Variants in TMEM132D observed in about 807,000 individuals in gnomAD.
TMEM132D encodes mature OL transmembrane protein.
In TMEM132D, 21 loss-of-function variants were observed where a neutral mutation model predicts 62.3. That is an observed-to-expected ratio of 0.34 (90% CI 0.24 to 0.49). The LOEUF (loss-of-function observed/expected upper bound fraction) is 0.49, where lower values mean the gene tolerates loss of function less well. Ranked by LOEUF, TMEM132D falls within the 20% of genes least tolerant of loss-of-function variation. The pLI, the probability that TMEM132D is intolerant of heterozygous loss-of-function variation, is 0.99. For missense variants in TMEM132D, 1,346 were observed against 1,402.8 expected, an observed-to-expected ratio of 0.96 and a Z score of 0.65; for synonymous variants, 621 against 575.6, an observed-to-expected ratio of 1.08 and a Z score of -1.13.
chr12:129,280,839 C>G (rs1358280561), intron 4 of TMEM132D, among the ~76,000 whole-genome samples: 1 of 151,968 alleles, frequency 6.6e-6, no homozygotes, highest in African/African-American at 2.4e-5. Context: ...TATATACACA[C>G]AAACATATAT....
intron 1 of TMEM132D, among the ~76,000 whole-genome samples, chr12:129,726,778 A>G (rs549064390): frequency 2.4e-4 from 36 of 152,262 alleles, no homozygotes; most frequent in Non-Finnish European, 4.3e-4. Context: ...ATAAGTCACC[A>G]ACTGTAGCAA....
chr12:129,533,844 A>G (rs549733884), intron 2 of TMEM132D, among the ~76,000 whole-genome samples: 25 of 152,346 alleles, frequency 1.6e-4, no homozygotes, highest in Admixed American at 7.8e-4. Context: ...ACACATTTCT[A>G]GGGCATGTTT....
chr12:129,231,790 T>G (rs543645083), intron 4 of TMEM132D, among the ~76,000 whole-genome samples: 2 of 152,272 alleles, frequency 1.3e-5, no homozygotes, highest in East Asian at 3.9e-4. Context: ...GCTTAATAAT[T>G]ACATGAGAAA....
At chr12:129,261,365 T>C (rs59941430) in intron 4 of TMEM132D, among the ~76,000 whole-genome samples, 3,013 of 152,274 alleles carry the variant, frequency 0.02, 108 homozygotes, top group African/African-American at 0.069. Flanking sequence ...ATAAGTCTCA[T>C]GAGGTCTAAT....
At chr12:129,851,455 A>G (rs894227513) in intron 1 of TMEM132D, among the ~76,000 whole-genome samples, 2 of 152,202 alleles carry the variant, frequency 1.3e-5, no homozygotes, top group Admixed American at 1.3e-4. Flanking sequence ...TACGCACGCC[A>G]GCATTAACAC....
intron 4 of TMEM132D, among the ~76,000 whole-genome samples, chr12:129,314,953 G>T (rs1031890219): frequency 2.0e-5 from 3 of 152,228 alleles, no homozygotes; most frequent in South Asian, 4.2e-4. Context: ...CTTGGTTGCT[G>T]TTGGTGTATA....
At position 129,626,116 on chromosome 12, in the gene TMEM132D, T is replaced by C. The variant is rs376470171; in HGVS notation, c.968+73694A>G. 1.9e-3 allele frequency among the ~76,000 whole-genome samples: 284 copies of C among 152,098 alleles called. 6 individuals are homozygous for C. In the South Asian group the frequency reaches 0.057, roughly 31 times the overall value. ...AAAAAAAAAAAAGCTCCACGGTCTA[T>C]TAATTTTGAAAAACACTGGATCAAT... On this transcript the variant is annotated intron_variant, in intron 2 of 8. Coordinates refer to ENST00000422113, the MANE Select transcript of TMEM132D (RefSeq NM_133448.3).
intron 3 of TMEM132D, among the ~76,000 whole-genome samples, chr12:129,430,515 C>G (rs1789500561): frequency 6.6e-6 from 1 of 152,126 alleles, no homozygotes; most frequent in South Asian, 2.1e-4. Flanking sequence ...TGGGGTCCCA[C>G]TGGTCTCAGA....
In TMEM132D at chr12:129,277,486, T is replaced by C. The variant is rs1881034105; in HGVS notation, c.1299+60148A>G. Reference sequence around the variant, plus strand: ...ATGCTTGTACAAATGATTTTTAAAATTCTTTATCCCTTACTCATTGCTGCT... The same window carrying C: ...ATGCTTGTACAAATGATTTTTAAAACTCTTTATCCCTTACTCATTGCTGCT... On this transcript the variant is annotated intron_variant, in intron 4 of 8. Coordinates refer to ENST00000422113, the MANE Select transcript of TMEM132D (RefSeq NM_133448.3). This position sits in a 1 kb window ranked among gnomAD's most constrained non-coding sequence, Gnocchi z 4.2. Among the ~76,000 whole-genome samples the C allele has an allele frequency of 6.6e-6, 1 of 152,226 alleles. No homozygotes were observed. Among genetic ancestry groups the C allele is most frequent in the Non-Finnish European group, 1.5e-5 (1 of 68,040 alleles).
chr12:129,370,639 C>A (rs747204961), intron 3 of TMEM132D, among the ~76,000 whole-genome samples: 19 of 152,100 alleles, frequency 1.2e-4, no homozygotes, highest in Admixed American at 3.3e-4. Context: ...CCTAAGTGTT[C>A]ATTAATGGAT....
At chr12:129,677,791 C>T (rs1289352243) in intron 2 of TMEM132D, among the ~76,000 whole-genome samples, 2 of 151,570 alleles carry the variant, frequency 1.3e-5, no homozygotes, top group Non-Finnish European at 2.9e-5. Flanking sequence ...CCTTCATCCT[C>T]CTTACTGGCT....
intron 1 of TMEM132D, among the ~76,000 whole-genome samples, chr12:129,701,159 A>G (rs1308341884): frequency 6.6e-6 from 1 of 152,174 alleles, no homozygotes; most frequent in Non-Finnish European, 1.5e-5. Flanking sequence ...ACATGGATTG[A>G]TGCCACGTCC....
At chr12:129,537,391 G>C (rs1367326035) in intron 2 of TMEM132D, among the ~76,000 whole-genome samples, 1 of 152,056 alleles carries the variant, frequency 6.6e-6, no homozygotes, top group Non-Finnish European at 1.5e-5. Flanking sequence ...CACGATAAAG[G>C]AGACACTTGA....
intron 4 of TMEM132D, among the ~76,000 whole-genome samples, chr12:129,295,427 C>CTTTTT (rs556748373): frequency 5.7e-5 from 7 of 123,020 alleles, no homozygotes; most frequent in East Asian, 5.0e-4. Context: ...TCATATTAGC[C>CTTTTT]TTTTTTTTTT....
chr12:129,770,422 G>A (rs919004300), intron 1 of TMEM132D, among the ~76,000 whole-genome samples: 1 of 152,170 alleles, frequency 6.6e-6, no homozygotes, highest in Non-Finnish European at 1.5e-5. Flanking sequence ...GATTACAGGC[G>A]TGGGCCACTG....
At chr12:129,268,263 G>C (rs1880750216) in intron 4 of TMEM132D, among the ~76,000 whole-genome samples, 2 of 151,900 alleles carry the variant, frequency 1.3e-5, no homozygotes, top group Admixed American at 6.6e-5. Context: ...GAGAATGGGA[G>C]AAAATTTTTG....
At chr12:129,890,508 C>T (rs528990354) in intron 1 of TMEM132D, among the ~76,000 whole-genome samples, 1 of 152,326 alleles carries the variant, frequency 6.6e-6, no homozygotes, top group South Asian at 2.1e-4. Flanking sequence ...ACCTCCTATG[C>T]TCTAATAAAA....
At chr12:129,425,022 C>T (rs376295885) in intron 3 of TMEM132D, among the ~76,000 whole-genome samples, 5 of 152,132 alleles carry the variant, frequency 3.3e-5, no homozygotes, top group East Asian at 3.9e-4. Flanking sequence ...TCTGGACATG[C>T]GGTCTCTGGT....
intron 1 of TMEM132D, among the ~76,000 whole-genome samples, chr12:129,812,616 A>G (rs377106252): frequency 1.3e-5 from 2 of 151,754 alleles, no homozygotes; most frequent in African/African-American, 4.8e-5. Flanking sequence ...GACAGTGTCT[A>G]TCTTCTCTTG....
Sources: allele counts gnomAD v4.1 joint callset (sites outside exome capture counted in the v4.1 genomes callset), GRCh38; gene constraint gnomAD v4.1.1; non-coding constraint Gnocchi (gnomAD v3.1); transcripts MANE v1.5; gene names NCBI Gene and HGNC (gene_info 2026-07-23, HGNC 2026-07-21).